Variants in STK40 observed in about 807,000 individuals in gnomAD.
STK40 encodes the protein serine/threonine-protein kinase 40.
A neutral mutation model predicts 47.9 loss-of-function variants in STK40; 13 were observed. That is an observed-to-expected ratio of 0.27 (90% CI 0.18 to 0.43). The LOEUF is 0.43. Among genes scored for constraint, STK40 ranks in the 20% least tolerant of loss-of-function variants. The probability of loss-of-function intolerance (pLI) is 1.00; values close to 1 mark genes in which losing one functional copy is unlikely to be tolerated. For missense variants in STK40, 460 were observed against 595.1 expected (o/e 0.77, Z 2.36); for synonymous variants, 225 against 243.2 (o/e 0.93, Z 0.69).
At chr1:36,343,533 G>A (rs1646673091) in intron 9 of STK40, 85 bp from the exon 10 acceptor site, 1 of 1,309,388 alleles carries the variant, frequency 7.6e-7, no homozygotes, top group Non-Finnish European at 1.1e-6. Context: ...ACACACCTGG[G>A]TTGTGTTCCT....
chr1:36,350,861 C>T (rs1392256109), intron 6 of STK40, among the ~76,000 whole-genome samples: 2 of 152,222 alleles, frequency 1.3e-5, no homozygotes, highest in African/African-American at 2.4e-5. Context: ...CAGGGCTGAG[C>T]GGCAGGCGCA....
intron 1 of STK40, among the ~76,000 whole-genome samples, chr1:36,370,199 T>A (rs1646933387): frequency 6.6e-6 from 1 of 152,218 alleles, no homozygotes; most frequent in Admixed American, 6.5e-5. Flanking sequence ...ACTGAAGAAT[T>A]AAAACTGTTC....
intron 1 of STK40, among the ~76,000 whole-genome samples, chr1:36,373,377 T>G (rs1646966526): frequency 6.6e-6 from 1 of 152,176 alleles, no homozygotes; most frequent in Non-Finnish European, 1.5e-5. Flanking sequence ...ATTCTCTCTT[T>G]AACTCGCACC....
chr1:36,371,224 G>A (rs563235842), intron 1 of STK40, among the ~76,000 whole-genome samples: 1 of 149,910 alleles, frequency 6.7e-6, no homozygotes, highest in African/African-American at 2.4e-5. Context: ...CTAATGCAAC[G>A]GAAATGCTGT....
At chr1:36,343,547 A>G (rs919510238) in intron 9 of STK40, 99 bp from the exon 10 acceptor site, 1 of 1,165,558 alleles carries the variant, frequency 8.6e-7, no homozygotes. Flanking sequence ...TGTTCCTGCC[A>G]TGAGAGACTG....
chr1:36,342,271 T>G, intron 10 of STK40: 1 of 416,172 alleles, frequency 2.4e-6, no homozygotes, highest in Non-Finnish European at 4.5e-6. Context: ...GCCTTAGCTG[T>G]CTGGCCCCTC....
intron 2 of STK40, among the ~76,000 whole-genome samples, chr1:36,359,809 T>A (rs1456423953): frequency 6.6e-6 from 1 of 152,200 alleles, no homozygotes; most frequent in Non-Finnish European, 1.5e-5. Context: ...GGATGTTCCA[T>A]TCCCTGTCCC....
chr1:36,362,592 A>C (rs1646862548), intron 1 of STK40: 1 of 152,186 alleles, frequency 6.6e-6, no homozygotes, highest in Non-Finnish European at 1.5e-5. Context: ...TCCATAATGG[A>C]CTCAAAAACA....
chr1:36,355,626 T>C (rs1646797138), intron 4 of STK40, among the ~76,000 whole-genome samples, 193 bp from the exon 5 acceptor site: 2 of 152,158 alleles, frequency 1.3e-5, no homozygotes, highest in Non-Finnish European at 2.9e-5. Flanking sequence ...TGCAGCCTCT[T>C]GTGTGCCAAA....
intron 1 of STK40, among the ~76,000 whole-genome samples, chr1:36,382,690 G>A (rs776706111): frequency 6.6e-6 from 1 of 152,180 alleles, no homozygotes; most frequent in Admixed American, 6.5e-5. Context: ...ATGGGACATA[G>A]TTCTAGTTGC....
At chr1:36,361,962 C>A (rs1336790742) in intron 1 of STK40, among the ~76,000 whole-genome samples, 1 of 152,128 alleles carries the variant, frequency 6.6e-6, no homozygotes, top group Admixed American at 6.5e-5. Flanking sequence ...AAAGAACCCC[C>A]CAAAGTTGTC....
chr1:36,348,651 G>A, intron 7 of STK40, 49 bp downstream of exon 7: 2 of 1,534,678 alleles, frequency 1.3e-6, no homozygotes, highest in Non-Finnish European at 1.8e-6. Context: ...CTGTCACAGA[G>A]CCTGGCTGTA....
chr1:36,361,090 G>A, intron 2 of STK40, 131 bp downstream of exon 2: 1 of 1,012,898 alleles, frequency 9.9e-7, no homozygotes, highest in South Asian at 1.5e-5. Context: ...CCAAGCCTGG[G>A]GCAGGGCAGG....
chr1:36,354,769 T>C (rs1646787665), intron 5 of STK40, among the ~76,000 whole-genome samples: 2 of 152,110 alleles, frequency 1.3e-5, no homozygotes, highest in Non-Finnish European at 2.9e-5. Flanking sequence ...GTCATGGCTT[T>C]GTGACTAAGT....
At chr1:36,366,795 C>G (rs533531620) in intron 1 of STK40, among the ~76,000 whole-genome samples, 1 of 151,866 alleles carries the variant, frequency 6.6e-6, no homozygotes, top group South Asian at 2.1e-4. Context: ...TAGCAGTCTC[C>G]GGAGCTTTGA....
chr1:36,352,592 T>C (rs1400538372), intron 6 of STK40, among the ~76,000 whole-genome samples: 1 of 152,148 alleles, frequency 6.6e-6, no homozygotes, highest in Non-Finnish European at 1.5e-5. Context: ...ACTCAGCCAG[T>C]CCAGGGTTCA....
intron 5 of STK40, 33 bp from the exon 6 acceptor site, chr1:36,354,449 C>T: frequency 6.2e-7 from 1 of 1,613,326 alleles, no homozygotes; most frequent in Non-Finnish European, 8.5e-7. Context: ...TTTACATTGT[C>T]AATGTGAGAG....
At position 36,343,850 on chromosome 1, in the gene STK40, G is replaced by A. The variant is rs772213669; in HGVS notation, c.1004+10C>T. 28 of 1,575,814 alleles carry A rather than the reference G, an allele frequency of 1.8e-5. No individual in the cohort carries two copies. The Middle Eastern group carries it at 5.1e-4, about 29-fold the overall frequency. ...CAGCCTTGTGCCCGGTCAAGTGCCT[G>A]TCCACTTACCATGATGCAATGATGG... On this transcript the variant is annotated intron_variant, in intron 9 of 10. Transcript: ENST00000373132.
At chr1:36,378,450 G>A (rs752729965) in intron 1 of STK40, among the ~76,000 whole-genome samples, 2 of 151,916 alleles carry the variant, frequency 1.3e-5, no homozygotes, top group Non-Finnish European at 2.9e-5. Flanking sequence ...GACCTGGGAG[G>A]TGGTGGGGCT....
Sources: allele counts gnomAD v4.1 joint callset (sites outside exome capture counted in the v4.1 genomes callset), GRCh38; gene constraint gnomAD v4.1.1; transcripts MANE v1.5; gene names NCBI Gene and HGNC (gene_info 2026-07-23, HGNC 2026-07-21).